Variants in GPR50 observed in about 807,000 individuals in gnomAD.
The protein encoded by GPR50 is G protein-coupled receptor 50.
In GPR50, 1 loss-of-function variant was observed where a neutral mutation model predicts 2.6. The observed-to-expected ratio is 0.38, with a 90% CI of 0.13 to 1.79. The LOEUF is 1.79. Among genes scored for constraint, GPR50 ranks in the 40% most tolerant of loss-of-function variants. The pLI, the probability that GPR50 is intolerant of heterozygous loss-of-function variation, is 0.33. For synonymous variants in GPR50, 233 were observed against 202.3 expected, an observed-to-expected ratio of 1.15 and a Z score of -1.29; for missense variants, 535 against 522.1, an observed-to-expected ratio of 1.02 and a Z score of -0.24.
intron 1 of GPR50, among the ~76,000 whole-genome samples, chrX:151,178,246 A>G (rs1039594489): frequency 8.9e-6 from 1 of 112,033 alleles, no homozygotes; most frequent in Non-Finnish European, 1.9e-5. Flanking sequence ...CGAACACTGA[A>G]CAAGTTTAAA....
At chrX:151,176,958 C>A in intron 1 of GPR50, 50 bp downstream of exon 1, 1 of 914,042 alleles carries the variant, frequency 1.1e-6, no homozygotes, top group Non-Finnish European at 1.6e-6. Flanking sequence ...CTTGCAACCC[C>A]TAGGGCGTTA....
Position 151,179,968 on chromosome X carries a change from T to C in GPR50, c.385T>C (p.Tyr129His). 1 of 1,211,034 alleles carries C rather than the reference T, an allele frequency of 8.3e-7. No individual in the cohort carries two copies. Among genetic ancestry groups the C allele is most frequent in the South Asian group, 1.8e-5 (1 of 56,903 alleles). ...IVAIAINRYC[Y>H]ICHSLQYERI... is the part of the protein sequence containing the mutation. ...GGCAATCGCTATCAACCGTTACTGC[T>C]ACATCTGCCACAGCCTCCAGTACGA... Residue 129 changes from tyrosine (Y) to histidine (H), a missense_variant, in exon 2 of 2, where the codon TAC becomes CAC. Coordinates refer to ENST00000218316, the MANE Select transcript of GPR50 (RefSeq NM_004224.3).
rs1240165897 is a variant in GPR50, at chrX:151,179,930, T to C, written c.347T>C (p.Ile116Thr). Residue 116 changes from isoleucine (I) to threonine (T), a missense_variant, in exon 2 of 2, where the codon ATC becomes ACC. Ile to Thr is a moderately conservative substitution (Grantham distance 89). Coordinates refer to ENST00000218316, the MANE Select transcript of GPR50 (RefSeq NM_004224.3). ...FITGLSVVGSIFNIVAIAINR... is the reference protein window; with the variant it reads ...FITGLSVVGSTFNIVAIAINR... Reference sequence around the variant, plus strand: ...ACAGGGCTGAGTGTGGTCGGCTCCATCTTCAACATCGTGGCAATCGCTATC... The same window carrying C: ...ACAGGGCTGAGTGTGGTCGGCTCCACCTTCAACATCGTGGCAATCGCTATC... The C allele has an allele frequency of 1.7e-6, 2 of 1,209,280 alleles. No homozygotes were observed. The highest frequency in any genetic ancestry group is 4.4e-5 in the Admixed American group (2 of 45,704).
At chrX:151,179,369 T>C (rs1268335283) in intron 1 of GPR50, among the ~76,000 whole-genome samples, 1 of 110,647 alleles carries the variant, frequency 9.0e-6, no homozygotes, top group Non-Finnish European at 1.9e-5. Context: ...TTTTAATTTT[T>C]TTAGTTTGAG....
downstream of GPR50, among the ~76,000 whole-genome samples, chrX:151,181,887 C>T (rs1034279076): frequency 8.9e-6 from 1 of 112,326 alleles, no homozygotes; most frequent in African/African-American, 3.2e-5. Context: ...TGAACGCTTC[C>T]GTTAATGTGA....
chrX:151,178,241 A>G (rs2048692413), intron 1 of GPR50, among the ~76,000 whole-genome samples: 1 of 112,105 alleles, frequency 8.9e-6, no homozygotes, highest in Non-Finnish European at 1.9e-5. Context: ...AGTCACGAAC[A>G]CTGAACAAGT....
At position 151,181,260 on chromosome X, in the gene GPR50, C is replaced by A. The variant is rs2048713250; in HGVS notation, c.1677C>A (p.Asp559Glu). 1 of 1,210,840 alleles carries A rather than the reference C, an allele frequency of 8.3e-7. No homozygotes were observed. The highest frequency in any genetic ancestry group is 1.1e-6 in the Non-Finnish European group (1 of 894,908). ...CCCACCCTGTGTCTGACGACAGTGA[C>A]CTCCCTGAGTCGGCCTCTAGCCCTG... ...AIAHPVSDDS[D>E]LPESASSPAA... Residue 559 changes from aspartate (D) to glutamate (E), a missense_variant, in exon 2 of 2, where the codon GAC becomes GAA. By Grantham distance (45) the Asp-to-Glu change is conservative. Transcript: ENST00000218316.
Position 151,181,410 on chromosome X carries a change from AGATGATCCT to A in GPR50, c.1833_1841del (p.Asp611_Asp613del). The A allele has an allele frequency of 8.4e-7, 1 of 1,186,626 alleles. No homozygotes were observed. Among genetic ancestry groups the A allele is most frequent in the Non-Finnish European group, 1.1e-6 (1 of 881,888 alleles). Reference sequence around the variant, plus strand: ...ATGATGTCGTGGTTATTGATGTTGAAGATGATCCTGATGAAATGGCTGTGTGAAAAATGC... The same window carrying A: ...ATGATGTCGTGGTTATTGATGTTGAAGATGAAATGGCTGTGTGAAAAATGC... On this transcript the variant is annotated inframe_deletion, in exon 2 of 2. Transcript: ENST00000218316.
In GPR50 at chrX:151,176,919, CCTT is replaced by C; in HGVS notation, c.187+17_187+19del. 1.3e-5 allele frequency: 15 copies of C among 1,156,150 alleles called. No homozygotes were observed. The highest frequency in any genetic ancestry group is 1.6e-5 in the Non-Finnish European group (14 of 849,322). On this transcript the variant is annotated intron_variant, in intron 1 of 1. Transcript: ENST00000218316. ...AGCTCCGGAATTCTGGTAAGCCACC[CCTT>C]CTTCTCCCTACCCAGTGTGCAGAGA...
In GPR50 at chrX:151,181,216, C is replaced by T. The variant is rs917168816; in HGVS notation, c.1633C>T (p.Pro545Ser). ...CCCTGAGCTCTCTGCCTCCCATTGCCCCGAGATCCCTGCCATTGCCCACCC... is the reference window on the plus strand; with the variant it reads ...CCCTGAGCTCTCTGCCTCCCATTGCTCCGAGATCCCTGCCATTGCCCACCC... ...DNPELSASHC[P>S]EIPAIAHPVS... Residue 545 changes from proline to serine, a missense_variant, in exon 2 of 2, where the codon CCC (proline) becomes TCC (serine). Pro to Ser is a moderately conservative substitution (Grantham distance 74, BLOSUM62 -1). Coordinates refer to ENST00000218316, the MANE Select transcript of GPR50 (RefSeq NM_004224.3). 22 of 1,208,468 alleles carry T rather than the reference C, an allele frequency of 1.8e-5. No individual in the cohort carries two copies. The highest frequency in any genetic ancestry group is 1.9e-5 in the Non-Finnish European group (17 of 894,259).
In GPR50 at chrX:151,180,793, C is replaced by A; in HGVS notation, c.1210C>A (p.His404Asn). 1 of 1,211,021 alleles carries A rather than the reference C, an allele frequency of 8.3e-7. No homozygotes were observed. The highest frequency in any genetic ancestry group is 1.1e-6 in the Non-Finnish European group (1 of 895,231). Residue 404 changes from histidine to asparagine, a missense_variant, in exon 2 of 2, where the codon CAC (histidine) becomes AAC (asparagine). Physicochemically the swap from His to Asn is moderately conservative, Grantham distance 68. Transcript: ENST00000218316. The stretch of plus-strand genomic sequence containing the variant: ...CTATCGCAAATCTGCCTCTACCCAC[C>A]ACAAGTCTGTCTTTAGCCACTCCAA... ...SAYRKSASTH[H>N]KSVFSHSKAA...
chrX:151,180,610 C>A lies in GPR50; in HGVS notation c.1027C>A (p.Arg343Ser). 1 of 1,209,947 alleles carries A rather than the reference C, an allele frequency of 8.3e-7. No individual in the cohort carries two copies. The highest frequency in any genetic ancestry group is 1.1e-6 in the Non-Finnish European group (1 of 894,144). Reference protein sequence around the residue: ...RTLARARAHARDQAREQDRAH... With the variant: ...RTLARARAHASDQAREQDRAH... ...CCTGGCCCGCGCCCGTGCCCATGCT[C>A]GCGACCAAGCTCGTGAACAAGACCG... is the stretch of plus-strand genomic sequence containing the variant. Residue 343 changes from arginine to serine, a missense_variant, in exon 2 of 2, where the codon CGC (arginine) becomes AGC (serine). Transcript: ENST00000218316.
rs1204220421 is a variant in GPR50 at position 151,181,378 on chromosome X, G to A, written c.1795G>A (p.Asp599Asn). 3.3e-6 allele frequency: 4 copies of A among 1,195,894 alleles called. No homozygotes were observed. The highest frequency in any genetic ancestry group is 4.5e-6 in the Non-Finnish European group (4 of 884,521). The change falls in exon 2 of 2, where the codon GAT becomes AAT. Residue 599 changes from aspartate to asparagine, a missense_variant. Transcript: ENST00000218316. ...TACTGTAGTCACTACCAGTACCAAT[G>A]ATTACCATGATGTCGTGGTTATTGA... Reference protein sequence around the residue: ...DPTVVTTSTNDYHDVVVIDVE... With the variant: ...DPTVVTTSTNNYHDVVVIDVE...
At position 151,176,648 on chromosome X, in the gene GPR50, A is replaced by G; in HGVS notation, c.-74A>G. 1 of 680,510 alleles carries G rather than the reference A, an allele frequency of 1.5e-6. No individual in the cohort carries two copies. Among genetic ancestry groups the G allele is most frequent in the Non-Finnish European group, 2.2e-6 (1 of 452,090 alleles). 56.1% of individuals were successfully genotyped at this position (680,510 alleles called of 1,213,427 possible). A position where few individuals can be genotyped will look rare whatever the true frequency, so the allele number is the denominator to read the frequency against. ...CTTTCCTGGAGCTCCTGGTGACAGA[A>G]CAGGTGTTTGCTGTCTGGACCTGGC... On this transcript the variant is annotated 5_prime_UTR_variant, in exon 1 of 2. Coordinates refer to ENST00000218316, the MANE Select transcript of GPR50 (RefSeq NM_004224.3).
chrX:151,179,919 G>A lies in GPR50; in HGVS notation c.336G>A (p.Val112=), dbSNP rs1336762058. ...TCGGGTTCATCACAGGGCTGAGTGT[G>A]GTCGGCTCCATCTTCAACATCGTGG... ...QMVGFITGLS[V]VGSIFNIVAI... The change falls in exon 2 of 2, where the codon GTG becomes GTA. Residue 112 remains valine (V), a synonymous_variant. Coordinates refer to ENST00000218316, the MANE Select transcript of GPR50 (RefSeq NM_004224.3). 8.3e-7 allele frequency: 1 copy of A among 1,211,091 alleles called. No homozygotes were observed. The highest frequency in any genetic ancestry group is 1.7e-5 in the African/African-American group (1 of 57,552).
At position 151,181,146 on chromosome X, in the gene GPR50, C is replaced by T. The variant is rs377123063; in HGVS notation, c.1563C>T (p.Pro521=). The stretch of plus-strand genomic sequence containing the variant: ...CTGAGCCCACCACTGCTGACTATCC[C>T]AAGCCTGCCACTACCAGCCACCCTA... ...SHAEPTTADY[P]KPATTSHPKP... The change falls in exon 2 of 2, where the codon CCC becomes CCT. Residue 521 remains proline, a synonymous_variant. Coordinates refer to ENST00000218316, the MANE Select transcript of GPR50 (RefSeq NM_004224.3). 1.1e-4 allele frequency: 129 copies of T among 1,208,117 alleles called. No individual in the cohort carries two copies. The highest frequency in any genetic ancestry group is 1.3e-4 in the Non-Finnish European group (118 of 894,190).
Position 151,181,338 on chromosome X carries a change from T to C in GPR50, c.1755T>C (p.Ala585=), listed in dbSNP as rs1441182186. 1 of 1,202,208 alleles carries C rather than the reference T, an allele frequency of 8.3e-7. No individual in the cohort carries two copies. Among genetic ancestry groups the C allele is most frequent in the Non-Finnish European group, 1.1e-6 (1 of 887,256 alleles). The change falls in exon 2 of 2, where the codon GCT becomes GCC. Residue 585 remains alanine, a synonymous_variant. Transcript: ENST00000218316. The stretch of plus-strand genomic sequence containing the variant: ...GCCAGCTGGAGTCTGACACCATCGC[T>C]GACCTTCCTGACCCTACTGTAGTCA... ...AASQLESDTI[A]DLPDPTVVTT...
At position 151,180,563 on chromosome X, in the gene GPR50, G is replaced by A. The variant is rs1433987045; in HGVS notation, c.980G>A (p.Arg327His). Reference protein sequence around the residue: ...IFFSGLISDIREMQEARTLAR... With the variant: ...IFFSGLISDIHEMQEARTLAR... Reference sequence around the variant, plus strand: ...TTCTCTGGCCTCATCAGTGATATTCGTGAGATGCAGGAGGCCCGTACCCTG... The same window carrying A: ...TTCTCTGGCCTCATCAGTGATATTCATGAGATGCAGGAGGCCCGTACCCTG... Residue 327 changes from arginine (R) to histidine (H), a missense_variant, in exon 2 of 2, where the codon CGT (arginine) becomes CAT (histidine). By Grantham distance (29) the Arg-to-His change is conservative (BLOSUM62 0). Coordinates refer to ENST00000218316, the MANE Select transcript of GPR50 (RefSeq NM_004224.3). 6.6e-6 allele frequency: 8 copies of A among 1,210,783 alleles called. No individual in the cohort carries two copies. The highest frequency in any genetic ancestry group is 3.0e-5 in the East Asian group (1 of 33,812).
intron 1 of GPR50, 102 bp from the exon 2 acceptor site, chrX:151,179,669 C>T: frequency 1.9e-6 from 1 of 520,711 alleles, no homozygotes; most frequent in Non-Finnish European, 3.2e-6. Context: ...GGTCATAATC[C>T]AGCTGGCCTT....
Sources: gnomAD v4.1 joint callset for allele counts (sites outside exome capture counted in the v4.1 genomes callset) on GRCh38, gnomAD v4.1.1 for gene constraint, MANE v1.5 for transcripts, NCBI Gene and HGNC (gene_info 2026-07-23, HGNC 2026-07-21) for gene names.